Variants in ATP13A4 observed in about 807,000 individuals in gnomAD.
ATP13A4 encodes ATPase 13A4.
A neutral mutation model predicts 142.5 loss-of-function variants in ATP13A4; 114 were observed. The ratio of observed to expected loss-of-function variants is 0.80; its 90% confidence interval spans 0.69 to 0.93. The LOEUF (loss-of-function observed/expected upper bound fraction) is 0.93. Ranked by LOEUF, ATP13A4 falls within the 40% of genes least tolerant of loss-of-function variation. The pLI, the probability that ATP13A4 is intolerant of heterozygous loss-of-function variation, is 0.00. For synonymous variants in ATP13A4, 488 were observed against 514.8 expected (o/e 0.95, Z 0.70); for missense variants, 1,392 against 1,454.0 (o/e 0.96, Z 0.69).
chr3:193,423,534 TA>T (rs1358567616), intron 25 of ATP13A4, among the ~76,000 whole-genome samples: 1 of 149,794 alleles, frequency 6.7e-6, no homozygotes, highest in Non-Finnish European at 1.5e-5. Flanking sequence ...TGGTTCAACA[TA>T]TTCAAATCAA....
chr3:193,445,865 C>A (rs1161077004), intron 18 of ATP13A4, among the ~76,000 whole-genome samples: 1 of 151,946 alleles, frequency 6.6e-6, no homozygotes, highest in African/African-American at 2.4e-5. Context: ...AAACTCAAAT[C>A]CCACCCCACA....
chr3:193,585,237 G>C lies in ATP13A4; in HGVS notation n.92-3331C>G, dbSNP rs543410360. On this transcript the variant is annotated intron_variant and non_coding_transcript_variant, in intron 1 of 3. Transcript: ENST00000489140. The stretch of plus-strand genomic sequence containing the variant: ...GTTTAAGACCAGACTGACCAACATG[G>C]TGAAACGTCATCCCTACTAAAAATA... Among the ~76,000 whole-genome samples, 4 of 149,980 alleles carry C rather than the reference G, an allele frequency of 2.7e-5. No individual in the cohort carries two copies. In the Admixed American group the frequency reaches 2.7e-4, roughly 10 times the overall value.
chr3:193,580,761 G>A (rs1020450743), intron 2 of ATP13A4, among the ~76,000 whole-genome samples: 7 of 152,102 alleles, frequency 4.6e-5, no homozygotes, highest in African/African-American at 1.2e-4. Flanking sequence ...GGAAAGGTAC[G>A]GTTTTGAACA....
upstream of ATP13A4, among the ~76,000 whole-genome samples, chr3:193,558,925 T>C (rs1049019354): frequency 6.6e-6 from 1 of 152,216 alleles, no homozygotes; most frequent in African/African-American, 2.4e-5. Flanking sequence ...TCTGCTGATC[T>C]GGCATCTCGG....
intron 2 of ATP13A4, among the ~76,000 whole-genome samples, chr3:193,564,613 G>T (rs560874847): frequency 5.1e-4 from 78 of 152,252 alleles, no homozygotes; most frequent in Admixed American, 9.8e-4. Context: ...TTATACTTTG[G>T]ATATGTGCAG....
intron 27 of ATP13A4, 110 bp from the exon 28 acceptor site, chr3:193,411,180 A>G: frequency 1.3e-6 from 1 of 772,400 alleles, no homozygotes. Context: ...CTTGATTTCT[A>G]CATCCAAATA....
In ATP13A4 at chr3:193,414,688, G is replaced by T. The variant is rs763085256; in HGVS notation, c.2905C>A (p.Pro969Thr). The T allele has an allele frequency of 6.3e-5, 102 of 1,614,040 alleles. 3 individuals are homozygous for T. In the South Asian group the frequency reaches 1.1e-3, roughly 18 times the overall value. ...PFRPAGRLISPPLLLSVIFNI... is the reference protein window; with the variant it reads ...PFRPAGRLISTPLLLSVIFNI... The stretch of plus-strand genomic sequence containing the variant: ...AAAATCACAGAGAGTAGCAGAGGTG[G>T]AGAGATCAGCCGTCCTGCAGGTCTG... Residue 969 changes from proline to threonine, a missense_variant, in exon 26 of 30, where the codon CCA becomes ACA. By Grantham distance (38) the Pro-to-Thr change is conservative (BLOSUM62 -1). Coordinates refer to ENST00000342695, the MANE Select transcript of ATP13A4 (RefSeq NM_032279.4).
At chr3:193,487,230 G>A (rs1016525708) in intron 7 of ATP13A4, among the ~76,000 whole-genome samples, 1 of 151,928 alleles carries the variant, frequency 6.6e-6, no homozygotes, top group Non-Finnish European at 1.5e-5. Context: ...TAGCGATATC[G>A]GTACTGGGGA....
rs528351842 is a variant in ATP13A4, at chr3:193,494,897, G to A, written c.382-1737C>T. Reference sequence around the variant, plus strand: ...GAAAAAAAGGGTAGACTCAAATAAAGTCAGAAATGAAAAAAGAGACATTAC... The same window carrying A: ...GAAAAAAAGGGTAGACTCAAATAAAATCAGAAATGAAAAAAGAGACATTAC... On this transcript the variant is annotated intron_variant, in intron 3 of 29. Transcript: ENST00000342695. Among the ~76,000 whole-genome samples, 3 of 151,864 alleles carry A rather than the reference G, an allele frequency of 2.0e-5. No individual in the cohort carries two copies. The South Asian group carries it at 6.2e-4, about 31-fold the overall frequency.
intron 8 of ATP13A4, among the ~76,000 whole-genome samples, chr3:193,471,887 C>A (rs1246046389): frequency 3.3e-5 from 5 of 152,086 alleles, no homozygotes; most frequent in African/African-American, 1.2e-4. Flanking sequence ...GGTGGGGTGG[C>A]AGGCTGCTCT....
chr3:193,504,849 C>T (rs574014093), intron 2 of ATP13A4, among the ~76,000 whole-genome samples: 2 of 152,250 alleles, frequency 1.3e-5, no homozygotes, highest in East Asian at 1.9e-4. Context: ...AACTATTAAT[C>T]GTCTCCAGTG....
chr3:193,557,397 A>C (rs1266637692), upstream of ATP13A4, among the ~76,000 whole-genome samples: 2 of 152,214 alleles, frequency 1.3e-5, no homozygotes, highest in African/African-American at 2.4e-5. Context: ...ATTTTGGTCT[A>C]CAAACATAAC....
intron 10 of ATP13A4, among the ~76,000 whole-genome samples, chr3:193,466,751 G>C (rs1196750581): frequency 1.3e-5 from 2 of 151,772 alleles, no homozygotes; most frequent in Non-Finnish European, 2.9e-5. Flanking sequence ...TCTCTGCTCT[G>C]CTTGTTTGAT....
rs940380120 is a variant in ATP13A4, at chr3:193,399,315, T to A, written c.*3337A>T. ...TCTCCCACGCTCTTTCATGCAAAGT[T>A]TTTTAACACCTCTCTTTAAGAAAAT... is the stretch of plus-strand genomic sequence containing the variant. On this transcript the variant is annotated 3_prime_UTR_variant, in exon 30 of 30. Transcript: ENST00000342695. Among the ~76,000 whole-genome samples the A allele has an allele frequency of 2.0e-5, 3 of 152,190 alleles. No homozygotes were observed. The highest frequency in any genetic ancestry group is 2.9e-5 in the Non-Finnish European group (2 of 68,032).
At position 193,419,917 on chromosome 3, in the gene ATP13A4, T is replaced by C. The variant is rs1408530297; in HGVS notation, c.2843-5167A>G. 2.0e-5 allele frequency among the ~76,000 whole-genome samples: 3 copies of C among 150,040 alleles called. 1 individual carries two copies. The East Asian group carries it at 6.2e-4, about 31-fold the overall frequency. On this transcript the variant is annotated intron_variant, in intron 25 of 29. Transcript: ENST00000342695. ...TCTTTGCTGTTGCCGTACCCCAGCT[T>C]CACAGAGTATGGAATACCACTGTGC...
intron 2 of ATP13A4, among the ~76,000 whole-genome samples, chr3:193,505,647 C>CT (rs1720825081): frequency 6.6e-6 from 1 of 152,046 alleles, no homozygotes; most frequent in African/African-American, 2.4e-5. Flanking sequence ...GATAGGACAG[C>CT]TAGATGACCC....
intron 9 of ATP13A4, among the ~76,000 whole-genome samples, chr3:193,468,738 C>T (rs1560210030): frequency 6.6e-6 from 1 of 152,116 alleles, no homozygotes; most frequent in Non-Finnish European, 1.5e-5. Context: ...TAGAGTGACA[C>T]TCTGTCTCAA....
At chr3:193,462,735 T>A in intron 13 of ATP13A4, 27 bp downstream of exon 13, 1 of 1,599,722 alleles carries the variant, frequency 6.3e-7, no homozygotes, top group Non-Finnish European at 8.6e-7. Flanking sequence ...CTAGAATGCA[T>A]TTAGTCCAAG....
intron 2 of ATP13A4, among the ~76,000 whole-genome samples, chr3:193,560,793 A>T (rs1306280649): frequency 6.6e-6 from 1 of 152,228 alleles, no homozygotes; most frequent in African/African-American, 2.4e-5. Flanking sequence ...TTAATCTACC[A>T]GGCAATTGAA....
Sources: gnomAD v4.1 joint callset for allele counts (sites outside exome capture counted in the v4.1 genomes callset) on GRCh38, gnomAD v4.1.1 for gene constraint, MANE v1.5 for transcripts, NCBI Gene and HGNC (gene_info 2026-07-23, HGNC 2026-07-21) for gene names.